Variants in SUPT20H observed in about 807,000 individuals in gnomAD.
SUPT20H encodes the protein SPT20 homolog, SAGA complex component.
SUPT20H carries 82 observed loss-of-function variants against 122.8 expected under a neutral mutation model. The observed-to-expected ratio is 0.67, with a 90% confidence interval of 0.56 to 0.80. The LOEUF is 0.80. Among genes scored for constraint, SUPT20H ranks in the 30% least tolerant of loss-of-function variants. The pLI, the probability that SUPT20H is intolerant of heterozygous loss-of-function variation, is 0.00. For missense variants in SUPT20H, 831 were observed against 921.6 expected, an observed-to-expected ratio of 0.90 and a Z score of 1.27; for synonymous variants, 291 against 313.0, an observed-to-expected ratio of 0.93 and a Z score of 0.74.
At position 37,048,502 on chromosome 13, in the gene SUPT20H, A is replaced by C. The variant is rs1013152825; in HGVS notation, c.39+62T>G. On this transcript the variant is annotated intron_variant, in intron 3 of 25. Coordinates refer to ENST00000350612, the MANE Select transcript of SUPT20H (RefSeq NM_001014286.3). ...AAAAATCACATACAAAAATCTCTTA[A>C]AACTGAGCTTTTGTCAATTAAAGAC... The C allele has an allele frequency of 2.0e-6, 3 of 1,468,438 alleles. No individual in the cohort carries two copies. The African/African-American group carries it at 4.3e-5, about 21-fold the overall frequency. The allele number at this position is 1,468,438 out of a possible 1,614,324, so 91.0% of individuals were successfully genotyped here. A position where few individuals can be genotyped will look rare whatever the true frequency, so the allele number is the denominator to read the frequency against.
rs577016049 is a variant in SUPT20H at position 37,011,729 on chromosome 13, TC to T, written c.2098+462del. The stretch of plus-strand genomic sequence containing the variant: ...CTGGAAGTGTTGAGAAGTAATTTAA[TC>T]TTTTTTTTTAAATGATAAAAGTGAC... On this transcript the variant is annotated intron_variant, in intron 24 of 25. Transcript: ENST00000350612. Among the ~76,000 whole-genome samples the T allele has an allele frequency of 9.8e-4, 149 of 152,208 alleles. 1 individual carries two copies. Among genetic ancestry groups the T allele is most frequent in the African/African-American group, 3.3e-3 (137 of 41,512 alleles).
In SUPT20H at chr13:37,025,351, A is replaced by C; in HGVS notation, c.1298T>G (p.Leu433Arg). ...MSHSSSGSAS[L>R]SQVSPGKETD... ...TTCTTTCCCTGGAGAAACCTGACTC[A>C]GACTGGCTGAGCCACTGGAGCTGTG... is the stretch of plus-strand genomic sequence containing the variant. Residue 433 changes from leucine to arginine, a missense_variant, in exon 17 of 26, where the codon CTG (leucine) becomes CGG (arginine). Leu to Arg is a moderately radical substitution (Grantham distance 102). Coordinates refer to ENST00000350612, the MANE Select transcript of SUPT20H (RefSeq NM_001014286.3). 2 of 1,613,902 alleles carry C rather than the reference A, an allele frequency of 1.2e-6. No individual in the cohort carries two copies. Among genetic ancestry groups the C allele is most frequent in the Non-Finnish European group, 1.7e-6 (2 of 1,179,818 alleles).
intron 10 of SUPT20H, 63 bp downstream of exon 10, chr13:37,033,386 T>A: frequency 6.3e-7 from 1 of 1,577,916 alleles, no homozygotes; most frequent in Non-Finnish European, 8.6e-7. Context: ...GAAAAGATAC[T>A]ATAAATAGCA....
At position 37,024,077 on chromosome 13, in the gene SUPT20H, T is replaced by A. The variant is rs768762893; in HGVS notation, c.1549A>T (p.Met517Leu). ...KSSVDLNQVS[M>L]LSPAALSPAS... is the part of the protein sequence containing the mutation. ...GGTGATAGGGCAGCTGGAGAAAGCA[T>A]GCTAACTTGATTGAGATCCACAGAT... The change falls in exon 19 of 26, where the codon ATG becomes TTG. Residue 517 changes from methionine to leucine, a missense_variant. By Grantham distance (15) the Met-to-Leu change is conservative (BLOSUM62 2). Transcript: ENST00000350612. 2.5e-6 allele frequency: 4 copies of A among 1,613,622 alleles called. No individual in the cohort carries two copies. In the Admixed American group the frequency reaches 6.7e-5, roughly 27 times the overall value.
intron 22 of SUPT20H, 34 bp from the exon 23 acceptor site, chr13:37,017,398 C>CA (rs1312077291): frequency 6.3e-7 from 1 of 1,576,892 alleles, no homozygotes; most frequent in African/African-American, 1.4e-5. Flanking sequence ...TAACCAATTT[C>CA]ACATGATTTT....
At chr13:37,057,455 A>T (rs910531261) in intron 1 of SUPT20H, among the ~76,000 whole-genome samples, 7 of 150,730 alleles carry the variant, frequency 4.6e-5, no homozygotes, top group African/African-American at 1.7e-4. Context: ...AGAAAACAAG[A>T]TTTTCCAGGT....
intron 5 of SUPT20H, among the ~76,000 whole-genome samples, chr13:37,046,154 A>G (rs2066383651): frequency 6.6e-6 from 1 of 152,088 alleles, no homozygotes; most frequent in Non-Finnish European, 1.5e-5. Flanking sequence ...ACACATACAG[A>G]AAGAAGTGAT....
intron 7 of SUPT20H, among the ~76,000 whole-genome samples, chr13:37,041,517 C>CAA (rs1320349837): frequency 5.8e-5 from 5 of 85,488 alleles, no homozygotes; most frequent in Non-Finnish European, 4.9e-5. Flanking sequence ...GACTCCACCT[C>CAA]AAAAAAAAAA....
intron 9 of SUPT20H, among the ~76,000 whole-genome samples, chr13:37,036,184 G>C (rs2064349356): frequency 6.6e-6 from 1 of 152,086 alleles, no homozygotes; most frequent in Admixed American, 6.5e-5. Context: ...ATGATCATTA[G>C]CATTTTTTAG....
intron 1 of SUPT20H, among the ~76,000 whole-genome samples, chr13:37,052,901 T>C (rs1024040539): frequency 1.3e-5 from 2 of 152,188 alleles, no homozygotes; most frequent in Non-Finnish European, 2.9e-5. Flanking sequence ...AAGACATTTA[T>C]GCGGCCAACA....
intron 2 of SUPT20H, among the ~76,000 whole-genome samples, chr13:37,051,275 T>C (rs948275202): frequency 6.6e-6 from 1 of 152,154 alleles, no homozygotes; most frequent in African/African-American, 2.4e-5. Context: ...CAAGCACAGA[T>C]AGATGGATGA....
intron 13 of SUPT20H, among the ~76,000 whole-genome samples, chr13:37,029,250 T>C (rs1296503603): frequency 6.6e-6 from 1 of 152,198 alleles, no homozygotes; most frequent in African/African-American, 2.4e-5. Context: ...TCTTTAAGGC[T>C]GGGCGCAGTG....
At chr13:37,021,984 A>G (rs982462240) in intron 20 of SUPT20H, 27 bp downstream of exon 20, 5 of 1,531,160 alleles carry the variant, frequency 3.3e-6, no homozygotes, top group Non-Finnish European at 4.4e-6. Flanking sequence ...TTATAAAAAA[A>G]AAATCCGAAC....
chr13:37,055,446 C>T (rs898829240), intron 1 of SUPT20H, among the ~76,000 whole-genome samples: 7 of 152,054 alleles, frequency 4.6e-5, no homozygotes, highest in African/African-American at 1.7e-4. Flanking sequence ...AGAACAGAGC[C>T]CTCAGAAATA....
chr13:37,043,394 AC>A (rs201381500), intron 7 of SUPT20H, among the ~76,000 whole-genome samples: 2,780 of 152,258 alleles, frequency 0.018, 44 homozygotes, highest in Non-Finnish European at 0.025. Flanking sequence ...GGGAGTGCTT[AC>A]CTAGGCAAGC....
At chr13:37,058,931 T>C (rs867933184) in intron 1 of SUPT20H, among the ~76,000 whole-genome samples, 2 of 152,188 alleles carry the variant, frequency 1.3e-5, no homozygotes, top group South Asian at 2.1e-4. Context: ...ATCCTGCTCG[T>C]CACTTTATAT....
At position 37,040,410 on chromosome 13, in the gene SUPT20H, T is replaced by A; in HGVS notation, c.562A>T (p.Thr188Ser). The change falls in exon 9 of 26, where the codon ACC becomes TCC. Residue 188 changes from threonine to serine, a missense_variant. By Grantham distance (58) the Thr-to-Ser change is moderately conservative. Transcript: ENST00000350612. ...HSITSDNHKW[T>S]QEDKLLLESQ... ...TAAAAAACAAAACAACTAACCTGGG[T>A]CCATTTGTGGTTATCACTTGTTATT... The A allele has an allele frequency of 3.2e-6, 5 of 1,569,140 alleles. No homozygotes were observed. The highest frequency in any genetic ancestry group is 4.3e-6 in the Non-Finnish European group (5 of 1,166,366).
chr13:37,051,271 CAGAT>C (rs2067620364), intron 2 of SUPT20H, among the ~76,000 whole-genome samples: 2 of 152,120 alleles, frequency 1.3e-5, no homozygotes, highest in Admixed American at 1.3e-4. Context: ...AATACAAGCA[CAGAT>C]AGATGGATGA....
At chr13:37,056,835 A>G (rs1276545508) in intron 1 of SUPT20H, 24 of 152,050 alleles carry the variant, frequency 1.6e-4, no homozygotes, top group African/African-American at 4.8e-4. Context: ...GCTGCACAAG[A>G]GTAACTTGCA....
Sources: allele counts gnomAD v4.1 joint callset (sites outside exome capture counted in the v4.1 genomes callset), GRCh38; gene constraint gnomAD v4.1.1; transcripts MANE v1.5; gene names NCBI Gene and HGNC (gene_info 2026-07-23, HGNC 2026-07-21).